The following PARVA variants were observed in gnomAD, a reference collection of about 807,000 sequenced individuals.
PARVA encodes the protein alpha-parvin.
A neutral mutation model predicts 52.6 loss-of-function variants in PARVA; 25 were observed. The ratio of observed to expected loss-of-function variants is 0.48; its 90% CI spans 0.35 to 0.66. The LOEUF is 0.66. Among genes scored for constraint, PARVA ranks in the 30% least tolerant of loss-of-function variants. The pLI, the probability that PARVA is intolerant of heterozygous loss-of-function variation, is 0.01. For missense variants in PARVA, 373 were observed against 450.9 expected (o/e 0.83, Z 1.56); for synonymous variants, 185 against 179.1 (o/e 1.03, Z -0.26).
chr11:12,524,811 G>A (rs780480577), intron 12 of PARVA, among the ~76,000 whole-genome samples: 7 of 152,212 alleles, frequency 4.6e-5, no homozygotes, highest in Non-Finnish European at 7.3e-5. Flanking sequence ...TGTGTTCAAG[G>A]AACCTACAGT....
intron 1 of PARVA, among the ~76,000 whole-genome samples, chr11:12,382,671 G>C (rs1450756548): frequency 6.6e-6 from 1 of 152,166 alleles, no homozygotes; most frequent in Admixed American, 6.5e-5. Flanking sequence ...AACAGTGTTA[G>C]AGTCCAAGAG....
chr11:12,442,919 G>C (rs1166924017), intron 1 of PARVA, among the ~76,000 whole-genome samples: 1 of 148,578 alleles, frequency 6.7e-6, no homozygotes, highest in Non-Finnish European at 1.5e-5. Context: ...CTGGAGTGCA[G>C]GGTGCGATTT....
rs1589994561 is a variant in PARVA, at chr11:12,528,285, T to C, written c.*360T>C. 3.4e-6 allele frequency: 1 copy of C among 290,366 alleles called. No individual in the cohort carries two copies. Among genetic ancestry groups the C allele is most frequent in the Non-Finnish European group, 6.7e-6 (1 of 150,366 alleles). The allele number at this position is 290,366 out of a possible 1,614,324, so 18.0% of individuals were successfully genotyped here. On this transcript the variant is annotated 3_prime_UTR_variant, in exon 13 of 13. Coordinates refer to ENST00000334956, the MANE Select transcript of PARVA (RefSeq NM_018222.5). ...CCATTCAAAGGATGCTAACTGTGTG[T>C]CAGGCCCCACACTAAGTGCTCTGCT...
At chr11:12,517,533 A>G in intron 10 of PARVA, 77 bp from the exon 11 acceptor site, 1 of 1,091,976 alleles carries the variant, frequency 9.2e-7, no homozygotes, top group Non-Finnish European at 1.4e-6. Context: ...GGCATAGCAC[A>G]GAAGTTGATG....
chr11:12,470,866 G>T (rs532557490), intron 1 of PARVA, among the ~76,000 whole-genome samples: 13 of 152,284 alleles, frequency 8.5e-5, no homozygotes, highest in African/African-American at 2.9e-4. Context: ...TGGGAAGTAG[G>T]TGAGAGTGGG....
At chr11:12,475,166 G>C (rs1229252843) in intron 3 of PARVA, among the ~76,000 whole-genome samples, 1 of 152,002 alleles carries the variant, frequency 6.6e-6, no homozygotes, top group East Asian at 1.9e-4. Context: ...CAGAACTGCT[G>C]CTCCCAGCAG....
chr11:12,493,594 A>G lies in PARVA; in HGVS notation c.401-2864A>G, dbSNP rs531211269. Among the ~76,000 whole-genome samples the G allele has an allele frequency of 3.4e-5, 5 of 145,224 alleles. No homozygotes were observed. In the East Asian group the frequency reaches 1.0e-3, roughly 30 times the overall value. On this transcript the variant is annotated intron_variant, in intron 4 of 12. Transcript: ENST00000334956. ...AAAGCCACAAAAATGCTTCTCCTAA[A>G]TAAGAAATACCAGACGCTAAAAAAA...
intron 5 of PARVA, among the ~76,000 whole-genome samples, chr11:12,504,042 C>G (rs1348042197): frequency 6.6e-6 from 1 of 152,140 alleles, no homozygotes; most frequent in African/African-American, 2.4e-5. Context: ...GTGCCATATA[C>G]TTTTCAACCA....
At chr11:12,499,321 C>T (rs1028264144) in intron 5 of PARVA, among the ~76,000 whole-genome samples, 1 of 152,092 alleles carries the variant, frequency 6.6e-6, no homozygotes, top group African/African-American at 2.4e-5. Context: ...CTCTCAGTTA[C>T]CTTCCGTGGA....
intron 1 of PARVA, among the ~76,000 whole-genome samples, chr11:12,408,456 A>G (rs1939945681): frequency 6.6e-6 from 1 of 152,088 alleles, no homozygotes. Flanking sequence ...CACTTCACAA[A>G]GCTGGGGACT....
chr11:12,525,658 G>A (rs1941691191), intron 12 of PARVA, among the ~76,000 whole-genome samples: 1 of 152,128 alleles, frequency 6.6e-6, no homozygotes, highest in African/African-American at 2.4e-5. Flanking sequence ...ATTCAGGGTG[G>A]GACTCCTGGC....
chr11:12,476,774 C>T (rs963445615), intron 3 of PARVA, among the ~76,000 whole-genome samples: 3 of 152,174 alleles, frequency 2.0e-5, no homozygotes, highest in Non-Finnish European at 4.4e-5. Flanking sequence ...CATCCTCTTG[C>T]CTTGGGACAG....
At chr11:12,433,098 C>T (rs1031998440) in intron 1 of PARVA, among the ~76,000 whole-genome samples, 5 of 152,140 alleles carry the variant, frequency 3.3e-5, no homozygotes, top group African/African-American at 1.2e-4. Context: ...TACACCCGAA[C>T]CTCTAGGTCA....
chr11:12,527,026 C>G (rs1941712115), intron 12 of PARVA, among the ~76,000 whole-genome samples: 2 of 152,216 alleles, frequency 1.3e-5, no homozygotes, highest in Non-Finnish European at 1.5e-5. Flanking sequence ...CCTACAAAAT[C>G]ATGCAAGCTC....
intron 12 of PARVA, among the ~76,000 whole-genome samples, chr11:12,520,274 A>T (rs1002399768): frequency 1.3e-5 from 2 of 152,226 alleles, no homozygotes; most frequent in Non-Finnish European, 2.9e-5. Context: ...CGTAAAGGGG[A>T]ATGGAAATAG....
At chr11:12,435,459 G>A (rs1940374213) in intron 1 of PARVA, among the ~76,000 whole-genome samples, 1 of 152,226 alleles carries the variant, frequency 6.6e-6, no homozygotes, top group African/African-American at 2.4e-5. Flanking sequence ...GGGTGACAGA[G>A]CTTCCGGTCT....
chr11:12,474,774 G>A (rs150794238), intron 3 of PARVA, among the ~76,000 whole-genome samples: 7 of 151,002 alleles, frequency 4.6e-5, no homozygotes, highest in African/African-American at 9.8e-5. Flanking sequence ...GTGTGGTGGC[G>A]CATGACTGTA....
intron 12 of PARVA, among the ~76,000 whole-genome samples, chr11:12,520,841 C>T: frequency 6.6e-6 from 1 of 151,820 alleles, no homozygotes; most frequent in East Asian, 1.9e-4. Flanking sequence ...GGTCCCAGCT[C>T]CTCGGGAGGC....
intron 1 of PARVA, among the ~76,000 whole-genome samples, chr11:12,393,043 T>TAA (rs1565325536): frequency 3.8e-5 from 3 of 78,582 alleles, no homozygotes; most frequent in Non-Finnish European, 5.2e-5. Context: ...CCCCAAATTG[T>TAA]GAAAAAAAAA....
Sources: gnomAD v4.1 joint callset for allele counts (sites outside exome capture counted in the v4.1 genomes callset) on GRCh38, gnomAD v4.1.1 for gene constraint, MANE v1.5 for transcripts, NCBI Gene and HGNC (gene_info 2026-07-23, HGNC 2026-07-21) for gene names.